The following DLGAP2 variants were observed in gnomAD, a reference collection of about 807,000 sequenced individuals.
DLGAP2 encodes the protein DLG associated protein 2.
Under a neutral mutation model 100.3 loss-of-function variants are expected in DLGAP2, and 26 were observed. The observed-to-expected ratio is 0.26, with a 90% CI of 0.19 to 0.36. The LOEUF is 0.36. Among genes scored for constraint, DLGAP2 ranks in the 10% least tolerant of loss-of-function variants. DLGAP2 has a pLI of 1.00. For missense variants in DLGAP2, 1,858 were observed against 1,453.2 expected (o/e 1.28, Z -4.53); for synonymous variants, 886 against 630.1 (o/e 1.41, Z -6.08).
intron 1 of DLGAP2, among the ~76,000 whole-genome samples, chr8:824,992 A>G (rs933750504): frequency 6.6e-6 from 1 of 152,074 alleles, no homozygotes; most frequent in African/African-American, 2.4e-5. Context: ...CTTTGGAGCG[A>G]TGTCTTCTGG....
At chr8:1,250,334 A>G (rs963138086) in intron 2 of DLGAP2, 1 of 152,252 alleles carries the variant, frequency 6.6e-6, no homozygotes. Flanking sequence ...CTGGGTCTGC[A>G]CACCGCGCAC....
intron 5 of DLGAP2, among the ~76,000 whole-genome samples, chr8:1,550,893 T>C (rs1801742606): frequency 6.6e-6 from 1 of 152,216 alleles, no homozygotes; most frequent in Non-Finnish European, 1.5e-5. Context: ...CACTCTTGCT[T>C]GCCTAGAGCA....
intron 4 of DLGAP2, among the ~76,000 whole-genome samples, chr8:1,502,265 T>A (rs1554485579): frequency 6.6e-6 from 1 of 152,192 alleles, no homozygotes; most frequent in Non-Finnish European, 1.5e-5. Flanking sequence ...CAGGGCTGGG[T>A]CTCGGATCAT....
At chr8:1,605,017 G>C (rs1021331157) in intron 6 of DLGAP2, among the ~76,000 whole-genome samples, 3 of 152,188 alleles carry the variant, frequency 2.0e-5, no homozygotes, top group East Asian at 1.9e-4. Context: ...TTTGTTGTTA[G>C]AAGCAACAGC....
intron 2 of DLGAP2, among the ~76,000 whole-genome samples, chr8:1,058,428 C>T (rs935837369): frequency 6.6e-6 from 1 of 152,180 alleles, no homozygotes; most frequent in East Asian, 1.9e-4. Flanking sequence ...AGTTTTGCAT[C>T]GTCCAGTTCA....
chr8:999,620 A>C (rs1800885225), intron 2 of DLGAP2, among the ~76,000 whole-genome samples: 1 of 151,792 alleles, frequency 6.6e-6, no homozygotes, highest in Admixed American at 6.6e-5. Context: ...CTGGGATTAC[A>C]GGCGCCTGCC....
intron 2 of DLGAP2, among the ~76,000 whole-genome samples, chr8:953,319 G>A (rs1265866402): frequency 6.6e-6 from 1 of 151,890 alleles, no homozygotes; most frequent in African/African-American, 2.4e-5. Flanking sequence ...TCAGCCTCCC[G>A]AGTAGCTGGG....
At chr8:1,281,332 G>A (rs1003658695) in intron 3 of DLGAP2, among the ~76,000 whole-genome samples, 11 of 152,150 alleles carry the variant, frequency 7.2e-5, no homozygotes, top group African/African-American at 1.7e-4. Context: ...CCTCGCTCCC[G>A]GCGAAGGCAG....
At chr8:893,474 G>T (rs560429241) in intron 1 of DLGAP2, among the ~76,000 whole-genome samples, 7 of 152,326 alleles carry the variant, frequency 4.6e-5, no homozygotes, top group African/African-American at 1.7e-4. Flanking sequence ...GAGCAAATAT[G>T]CACCCTTGTC....
chr8:815,264 G>A (rs1053297132), intron 1 of DLGAP2, among the ~76,000 whole-genome samples: 2 of 152,234 alleles, frequency 1.3e-5, no homozygotes, highest in South Asian at 4.1e-4. Context: ...AGTGCCCTGT[G>A]TCTGTGTCCT....
chr8:860,193 A>G (rs1797362983), intron 1 of DLGAP2, among the ~76,000 whole-genome samples: 1 of 152,232 alleles, frequency 6.6e-6, no homozygotes, highest in African/African-American at 2.4e-5. Flanking sequence ...AGCCTTACAG[A>G]CGGCCTTTCA....
At chr8:1,202,588 A>G (rs1797902751) in intron 2 of DLGAP2, among the ~76,000 whole-genome samples, 1 of 152,244 alleles carries the variant, frequency 6.6e-6, no homozygotes. Flanking sequence ...AGGTGTGGAG[A>G]CACCACAGAG....
chr8:1,233,484 G>A (rs2116838739), intron 2 of DLGAP2, among the ~76,000 whole-genome samples: 1 of 152,328 alleles, frequency 6.6e-6, no homozygotes. Flanking sequence ...GCTAATCGCA[G>A]AGCGCAGGGA....
chr8:882,080 G>T (rs1430106331), intron 1 of DLGAP2, among the ~76,000 whole-genome samples: 1 of 152,176 alleles, frequency 6.6e-6, no homozygotes, highest in Non-Finnish European at 1.5e-5. Flanking sequence ...ATATCACCCA[G>T]TCCAGAGGCT....
intron 6 of DLGAP2, among the ~76,000 whole-genome samples, chr8:1,587,566 T>C (rs895329443): frequency 6.6e-6 from 1 of 152,230 alleles, no homozygotes; most frequent in Non-Finnish European, 1.5e-5. Flanking sequence ...CACACATATA[T>C]TGATAGATGA....
intron 3 of DLGAP2, among the ~76,000 whole-genome samples, chr8:1,430,115 T>C (rs1177109585): frequency 6.8e-6 from 1 of 147,758 alleles, no homozygotes; most frequent in Non-Finnish European, 1.5e-5. Context: ...CCGCAGCATT[T>C]TGCCTTTTAG....
chr8:814,547 C>G (rs1029184434), intron 1 of DLGAP2, among the ~76,000 whole-genome samples: 2 of 152,168 alleles, frequency 1.3e-5, no homozygotes, highest in Admixed American at 6.5e-5. Context: ...ATGTGGAACA[C>G]CTGTAAAACA....
chr8:1,369,145 A>T (rs887429271), intron 3 of DLGAP2: 3 of 152,146 alleles, frequency 2.0e-5, no homozygotes, highest in Admixed American at 6.5e-5. Context: ...GTTATAAAAT[A>T]ATGGACAGCT....
intron 2 of DLGAP2, among the ~76,000 whole-genome samples, chr8:1,160,478 G>C: frequency 6.6e-6 from 1 of 152,190 alleles, no homozygotes; most frequent in East Asian, 1.9e-4. Context: ...TCAGCTAGGG[G>C]AGTCTTTTGT....
Sources: allele counts gnomAD v4.1 joint callset (sites outside exome capture counted in the v4.1 genomes callset), GRCh38; gene constraint gnomAD v4.1.1; transcripts MANE v1.5; gene names NCBI Gene and HGNC (gene_info 2026-07-23, HGNC 2026-07-21).